CTNNA3: variants seen among roughly 807,000 people sequenced by gnomAD.
The protein encoded by CTNNA3 is catenin alpha 3.
A neutral mutation model predicts 95.7 loss-of-function variants in CTNNA3; 76 were observed. The observed-to-expected ratio is 0.79, with a 90% CI of 0.66 to 0.96. CTNNA3 has a LOEUF of 0.96. Among genes scored for constraint, CTNNA3 ranks in the 40% least tolerant of loss-of-function variants. CTNNA3 has a pLI of 0.00. For synonymous variants in CTNNA3, 431 were observed against 374.4 expected (o/e 1.15, Z -1.74); for missense variants, 1,191 against 1,089.8 (o/e 1.09, Z -1.31).
chr10:67,731,867 G>A (rs1468604247), intron 1 of CTNNA3, among the ~76,000 whole-genome samples: 1 of 123,332 alleles, frequency 8.1e-6, no homozygotes, highest in Non-Finnish European at 1.6e-5. Flanking sequence ...TGTTGTTGTT[G>A]TTGTTTTGTT....
At chr10:66,184,291 T>A (rs1448312980) in intron 13 of CTNNA3, among the ~76,000 whole-genome samples, 1 of 152,176 alleles carries the variant, frequency 6.6e-6, no homozygotes, top group Non-Finnish European at 1.5e-5. Context: ...AGAGCAAGAC[T>A]CTGTCTCAAA....
At chr10:66,872,628 C>T (rs1204543495) in intron 7 of CTNNA3, among the ~76,000 whole-genome samples, 1 of 152,024 alleles carries the variant, frequency 6.6e-6, no homozygotes, top group East Asian at 1.9e-4. Context: ...GAGATTGTGC[C>T]ACTGCACTCT....
rs1196472038 is a variant in CTNNA3 at position 67,634,580 on chromosome 10, C to A, written c.99+12835G>T. Among the ~76,000 whole-genome samples the A allele has an allele frequency of 2.0e-5, 3 of 152,038 alleles. No individual in the cohort carries two copies. In the East Asian group the frequency reaches 5.8e-4, roughly 29 times the overall value. ...CATCACAGTGCTGTCTTCAAGTGACCCATCTCACATGCAAAGACACACATC... is the reference window on the plus strand; with the variant it reads ...CATCACAGTGCTGTCTTCAAGTGACACATCTCACATGCAAAGACACACATC... On this transcript the variant is annotated intron_variant, in intron 2 of 17. Coordinates refer to ENST00000433211, the MANE Select transcript of CTNNA3 (RefSeq NM_013266.4).
At chr10:66,059,655 T>C (rs1410925465) in intron 15 of CTNNA3, among the ~76,000 whole-genome samples, 1 of 152,112 alleles carries the variant, frequency 6.6e-6, no homozygotes, top group Non-Finnish European at 1.5e-5. Flanking sequence ...AATTCTCCAC[T>C]GTGTTCACTG....
intron 11 of CTNNA3, among the ~76,000 whole-genome samples, chr10:66,431,893 A>G (rs763072153): frequency 6.6e-6 from 1 of 152,034 alleles, no homozygotes; most frequent in Non-Finnish European, 1.5e-5. Flanking sequence ...AACTTAAAGT[A>G]TAATAAAAAT....
At chr10:66,144,742 C>A (rs1219978155) in intron 13 of CTNNA3, among the ~76,000 whole-genome samples, 1 of 152,172 alleles carries the variant, frequency 6.6e-6, no homozygotes, top group Non-Finnish European at 1.5e-5. Flanking sequence ...CCCGCATTGG[C>A]CTCCCAAAGT....
chr10:67,006,994 C>T (rs906215718), intron 7 of CTNNA3, among the ~76,000 whole-genome samples: 69 of 152,206 alleles, frequency 4.5e-4, no homozygotes, highest in Non-Finnish European at 9.7e-4. Context: ...TGGGGTTTCA[C>T]CATGTTGGCC....
intron 11 of CTNNA3, among the ~76,000 whole-genome samples, chr10:66,463,154 G>A (rs542843587): frequency 6.6e-6 from 1 of 152,102 alleles, no homozygotes; most frequent in Non-Finnish European, 1.5e-5. Context: ...ATCTCTTGTT[G>A]AAATTTGATG....
chr10:67,029,058 G>C (rs1331362522), intron 7 of CTNNA3, among the ~76,000 whole-genome samples: 1 of 152,100 alleles, frequency 6.6e-6, no homozygotes, highest in Non-Finnish European at 1.5e-5. Context: ...GAGTATATGT[G>C]GATGTAAGAG....
intron 12 of CTNNA3, among the ~76,000 whole-genome samples, chr10:66,352,488 G>A (rs2092574381): frequency 1.3e-5 from 2 of 152,146 alleles, no homozygotes; most frequent in African/African-American, 2.4e-5. Context: ...GGGTCTGAAA[G>A]ATGAAGGAAA....
intron 5 of CTNNA3, among the ~76,000 whole-genome samples, chr10:67,467,030 A>C (rs1391055321): frequency 6.6e-6 from 1 of 152,058 alleles, no homozygotes; most frequent in Non-Finnish European, 1.5e-5. Flanking sequence ...CCCACTGGCT[A>C]GGGAGGCTGA....
At chr10:67,118,260 G>A (rs1370876951) in intron 7 of CTNNA3, among the ~76,000 whole-genome samples, 1 of 151,946 alleles carries the variant, frequency 6.6e-6, no homozygotes, top group African/African-American at 2.4e-5. Context: ...TTGGAAAAGA[G>A]TGTGGTTTCC....
At chr10:66,539,127 G>A (rs1201102813) in intron 10 of CTNNA3, among the ~76,000 whole-genome samples, 1 of 152,136 alleles carries the variant, frequency 6.6e-6, no homozygotes, top group African/African-American at 2.4e-5. Flanking sequence ...TTGGAAATGA[G>A]TCTCAATCAT....
chr10:66,516,051 G>A (rs1297686987), intron 11 of CTNNA3, among the ~76,000 whole-genome samples: 1 of 94,702 alleles, frequency 1.1e-5, no homozygotes, highest in East Asian at 3.1e-4. Context: ...TTCAAACTAT[G>A]ATTAATTATC....
intron 5 of CTNNA3, among the ~76,000 whole-genome samples, chr10:67,504,367 G>A (rs1839358319): frequency 1.5e-5 from 2 of 135,316 alleles, no homozygotes; most frequent in African/African-American, 2.7e-5. Context: ...GCAGGAGAAT[G>A]GCAAGAACCA....
chr10:67,324,437 T>G (rs1841457289), intron 5 of CTNNA3, among the ~76,000 whole-genome samples: 1 of 152,230 alleles, frequency 6.6e-6, no homozygotes, highest in Admixed American at 6.5e-5. Flanking sequence ...ATTGAGTGTT[T>G]TTAACATGAA....
intron 7 of CTNNA3, among the ~76,000 whole-genome samples, chr10:66,888,042 GC>G (rs901060382): frequency 1.1e-4 from 16 of 152,092 alleles, no homozygotes; most frequent in Non-Finnish European, 2.1e-4. Flanking sequence ...TATATAGAGG[GC>G]CCATTTTGAT....
intron 5 of CTNNA3, among the ~76,000 whole-genome samples, chr10:67,312,590 G>A (rs976370399): frequency 4.6e-5 from 7 of 152,206 alleles, no homozygotes; most frequent in Admixed American, 1.3e-4. Flanking sequence ...ATAAGGGGGA[G>A]AAGAGGAGAC....
chr10:65,967,050 G>A (rs752478184), intron 16 of CTNNA3, among the ~76,000 whole-genome samples: 5 of 152,032 alleles, frequency 3.3e-5, no homozygotes, highest in African/African-American at 7.2e-5. Context: ...TCTGCCTCCC[G>A]GGTTCAAGTG....
Sources: allele counts gnomAD v4.1 joint callset (sites outside exome capture counted in the v4.1 genomes callset), GRCh38; gene constraint gnomAD v4.1.1; transcripts MANE v1.5; gene names NCBI Gene and HGNC (gene_info 2026-07-23, HGNC 2026-07-21).